The following TRPA1 variants were observed in gnomAD, a reference collection of about 807,000 sequenced individuals.
TRPA1 encodes the protein ankyrin-like with transmembrane domains 1.
TRPA1 carries 129 observed loss-of-function variants against 131.3 expected under a neutral mutation model. That is an observed-to-expected ratio of 0.98 (90% confidence interval 0.85 to 1.14). The LOEUF is 1.14. Among genes scored for constraint, TRPA1 ranks in the 50% most tolerant of loss-of-function variants. TRPA1 has a pLI of 0.00. For synonymous variants in TRPA1, 441 were observed against 451.7 expected, an observed-to-expected ratio of 0.98 and a Z score of 0.30; for missense variants, 1,304 against 1,354.2, an observed-to-expected ratio of 0.96 and a Z score of 0.58.
chr8:72,037,887 TTA>T lies in TRPA1; in HGVS notation c.2385+94_2385+95del, dbSNP rs1812109836. On this transcript the variant is annotated intron_variant, in intron 20 of 26. Coordinates refer to ENST00000262209, the MANE Select transcript of TRPA1 (RefSeq NM_007332.3). ...ATGGTAGTCAAGCTATGTAATTTTA[TTA>T]TGACATAATATCTCAAGTAATAGCT... 3 of 761,710 alleles carry T rather than the reference TTA, an allele frequency of 3.9e-6. No homozygotes were observed. The African/African-American group carries it at 5.2e-5, about 13-fold the overall frequency. 47.2% of individuals were successfully genotyped at this position (761,710 alleles called of 1,614,324 possible).
chr8:72,057,786 C>T lies in TRPA1; in HGVS notation c.1024G>A (p.Gly342Arg). ...GTTGCTAATATAAGTGGAGAGCGTC[C>T]TTCAGAATCGATCTTATTAATATCT... is the stretch of plus-strand genomic sequence containing the variant. ...GADINKIDSEGRSPLILATAS... is the reference protein window; with the variant it reads ...GADINKIDSERRSPLILATAS... The change falls in exon 9 of 27, where the codon GGA becomes AGA. Residue 342 changes from glycine to arginine, a missense_variant. By Grantham distance (125) the Gly-to-Arg change is moderately radical. Transcript: ENST00000262209. 4 of 1,613,798 alleles carry T rather than the reference C, an allele frequency of 2.5e-6. No homozygotes were observed. Among genetic ancestry groups the T allele is most frequent in the Non-Finnish European group, 3.4e-6 (4 of 1,179,854 alleles).
intron 23 of TRPA1, among the ~76,000 whole-genome samples, chr8:72,032,658 T>C (rs1811872014): frequency 6.6e-6 from 1 of 152,210 alleles, no homozygotes; most frequent in Non-Finnish European, 1.5e-5. Context: ...CTCTTCTGGA[T>C]AATTATCTTC....
chr8:72,059,961 G>A (rs1182832056), intron 7 of TRPA1, among the ~76,000 whole-genome samples: 1 of 152,092 alleles, frequency 6.6e-6, no homozygotes. Context: ...CATCTCACAG[G>A]CAGTCATAAG....
rs992532268 is a variant in TRPA1, at chr8:72,022,333, C to T, written c.*573G>A. The T allele has an allele frequency of 5.9e-6, 1 of 169,378 alleles. No individual in the cohort carries two copies. Among genetic ancestry groups the T allele is most frequent in the East Asian group, 1.6e-4 (1 of 6,112 alleles). 10.5% of individuals were successfully genotyped at this position (169,378 alleles called of 1,614,324 possible). On this transcript the variant is annotated 3_prime_UTR_variant, in exon 27 of 27. Transcript: ENST00000262209. The stretch of plus-strand genomic sequence containing the variant: ...TCAACTATATGGCTCAAAGTGACAT[C>T]AGGTGTGTTGGGGACAGCAAGAAGG...
At position 72,022,021 on chromosome 8, in the gene TRPA1, T is replaced by G. The variant is rs992981879; in HGVS notation, c.*885A>C. 1 of 152,056 alleles carries G rather than the reference T, an allele frequency of 6.6e-6. No homozygotes were observed. The highest frequency in any genetic ancestry group is 2.4e-5 in the African/African-American group (1 of 41,368). 9.4% of individuals were successfully genotyped at this position (152,056 alleles called of 1,614,324 possible). A position where few individuals can be genotyped will look rare whatever the true frequency, so the allele number is the denominator to read the frequency against. ...CCTGGGGGTAGTGAGGGAATAAACA[T>G]GCTAATCAGGATGATGGAGAAAATC... On this transcript the variant is annotated 3_prime_UTR_variant, in exon 27 of 27. Transcript: ENST00000262209.
chr8:72,075,741 G>T (rs1212230791), upstream of TRPA1: 1 of 401,512 alleles, frequency 2.5e-6, no homozygotes, highest in African/African-American at 2.0e-5. Context: ...CCGTCCCGCT[G>T]TCCTGCAGCT....
In TRPA1 at chr8:72,059,481, G is replaced by T. The variant is rs190941914; in HGVS notation, c.945-43C>A. ...TAAACATTATAATTAAAGTACTATTGATGTAAATAAAATGTATTTAATAAA... is the reference window on the plus strand; with the variant it reads ...TAAACATTATAATTAAAGTACTATTTATGTAAATAAAATGTATTTAATAAA... On this transcript the variant is annotated intron_variant, in intron 7 of 26. Coordinates refer to ENST00000262209, the MANE Select transcript of TRPA1 (RefSeq NM_007332.3). 7.6e-3 allele frequency: 9,136 copies of T among 1,208,552 alleles called. 44 individuals carry two copies. The highest frequency in any genetic ancestry group is 9.2e-3 in the Non-Finnish European group (7,677 of 836,740). 74.9% of individuals were successfully genotyped at this position (1,208,552 alleles called of 1,614,324 possible).
chr8:72,071,143 T>C (rs1806049704), intron 2 of TRPA1, among the ~76,000 whole-genome samples: 2 of 152,186 alleles, frequency 1.3e-5, no homozygotes, highest in African/African-American at 4.8e-5. Context: ...CTCTCTTTAC[T>C]ACCAAAATAG....
At position 72,038,995 on chromosome 8, in the gene TRPA1, T is replaced by C. The variant is rs1416445017; in HGVS notation, c.2165A>G (p.Asn722Ser). 4 of 1,612,824 alleles carry C rather than the reference T, an allele frequency of 2.5e-6. No individual in the cohort carries two copies. The African/African-American group carries it at 5.3e-5, about 22-fold the overall frequency. Residue 722 changes from asparagine to serine, a missense_variant, in exon 19 of 27, where the codon AAT (asparagine) becomes AGT (serine). By Grantham distance (46) the Asn-to-Ser change is conservative. Transcript: ENST00000262209. ...GAGACCAAGACAGTAAGATCCTAAATTCATCATATGAGCTCTAAATCCATA... is the reference window on the plus strand; with the variant it reads ...GAGACCAAGACAGTAAGATCCTAAACTCATCATATGAGCTCTAAATCCATA... Reference protein sequence around the residue: ...LAYGFRAHMMNLGSYCLGLIP... With the variant: ...LAYGFRAHMMSLGSYCLGLIP...
intron 1 of TRPA1, among the ~76,000 whole-genome samples, chr8:72,073,475 G>T (rs1563407667): frequency 6.6e-6 from 1 of 152,110 alleles, no homozygotes; most frequent in Non-Finnish European, 1.5e-5. Flanking sequence ...AAACCCTCTA[G>T]AGGTTAAAAA....
chr8:72,052,517 C>A (rs1405109629), intron 14 of TRPA1, 82 bp downstream of exon 14: 2 of 1,567,592 alleles, frequency 1.3e-6, no homozygotes, highest in East Asian at 2.3e-5. Flanking sequence ...AAAATCATTT[C>A]TTTTCTCTTA....
intron 1 of TRPA1, among the ~76,000 whole-genome samples, chr8:72,073,946 G>A (rs1170877763): frequency 6.6e-6 from 1 of 152,222 alleles, no homozygotes; most frequent in Non-Finnish European, 1.5e-5. Context: ...ACCTTGGGAG[G>A]CCTGGCTACT....
chr8:72,036,305 G>A lies in TRPA1; in HGVS notation c.2538C>T (p.Phe846=), dbSNP rs1408753365. 3 of 1,614,008 alleles carry A rather than the reference G, an allele frequency of 1.9e-6. No homozygotes were observed. The highest frequency in any genetic ancestry group is 2.5e-6 in the Non-Finnish European group (3 of 1,179,964). Residue 846 remains phenylalanine (F), a synonymous_variant, in exon 21 of 27, where the codon TTC becomes TTT. Transcript: ENST00000262209. ...TGTTTTACCTTTGAAGATACAATAA[G>A]AAATTCATCCAATAGAAGTAAACAG... ...AIAVYFYWMN[F]LLYLQRFENC...
chr8:72,076,875 C>T (rs1270804588), upstream of TRPA1, among the ~76,000 whole-genome samples: 2 of 152,132 alleles, frequency 1.3e-5, no homozygotes, highest in African/African-American at 4.8e-5. Flanking sequence ...GCACTCTTTT[C>T]TCATCAGCAT....
At chr8:72,048,372 G>T (rs1805403072) in intron 15 of TRPA1, among the ~76,000 whole-genome samples, 2 of 152,072 alleles carry the variant, frequency 1.3e-5, no homozygotes, top group South Asian at 2.1e-4. Context: ...TAGAGGGTCA[G>T]ACTATATCCA....
intron 16 of TRPA1, 58 bp from the exon 17 acceptor site, chr8:72,046,666 C>T: frequency 1.2e-6 from 1 of 858,440 alleles, no homozygotes; most frequent in Non-Finnish European, 1.9e-6. Context: ...ATAGAATCCC[C>T]AAAGTAATTC....
In TRPA1 at chr8:72,052,990, T is replaced by A; in HGVS notation, c.1645-225A>T. 5.1e-6 allele frequency: 2 copies of A among 394,306 alleles called. 1 individual carries two copies. Among genetic ancestry groups the A allele is most frequent in the Non-Finnish European group, 9.2e-6 (2 of 216,868 alleles). 24.4% of individuals were successfully genotyped at this position (394,306 alleles called of 1,614,324 possible). ...CTGTGTGTGTGTGTGTGTGTGTGTG[T>A]GTGTGAGAGATAGAGAAAGAGAGAG... On this transcript the variant is annotated intron_variant, in intron 13 of 26. Coordinates refer to ENST00000262209, the MANE Select transcript of TRPA1 (RefSeq NM_007332.3).
the TRPA1 span, among the ~76,000 whole-genome samples, chr8:72,084,245 TTC>T: frequency 1.3e-5 from 2 of 152,150 alleles, no homozygotes; most frequent in African/African-American, 4.8e-5. Flanking sequence ...TATTTAGATT[TTC>T]TGTCTTTTTG....
intron 15 of TRPA1, among the ~76,000 whole-genome samples, chr8:72,049,238 A>C (rs1805431978): frequency 6.6e-6 from 1 of 152,216 alleles, no homozygotes; most frequent in Non-Finnish European, 1.5e-5. Flanking sequence ...TATTATGTAC[A>C]AACCATTATC....
Sources: gnomAD v4.1 joint callset for allele counts (sites outside exome capture counted in the v4.1 genomes callset) on GRCh38, gnomAD v4.1.1 for gene constraint, MANE v1.5 for transcripts, NCBI Gene and HGNC (gene_info 2026-07-23, HGNC 2026-07-21) for gene names.